Variants in SAMMSON observed in about 807,000 individuals in gnomAD.
SAMMSON encodes the protein long intergenic non-protein coding RNA 1212.
At chr3:70,169,474 G>C (rs1432542751) in intron 4 of SAMMSON, among the ~76,000 whole-genome samples, 2 of 151,860 alleles carry the variant, frequency 1.3e-5, no homozygotes, top group Admixed American at 6.6e-5. Context: ...TTCATATTGT[G>C]CAATTCACAC....
chr3:70,350,695 A>G (rs1420030909), intron 7 of SAMMSON, among the ~76,000 whole-genome samples: 1 of 152,194 alleles, frequency 6.6e-6, no homozygotes, highest in African/African-American at 2.4e-5. Flanking sequence ...CTATAGGAAG[A>G]AGATGAAATG....
At chr3:70,125,630 G>T (rs1376572183) in intron 4 of SAMMSON, 1 of 699,504 alleles carries the variant, frequency 1.4e-6, no homozygotes, top group Non-Finnish European at 2.6e-6. Context: ...AATGCAGCTG[G>T]CATGTCGGTA....
At chr3:70,179,690 C>T (rs550172492) in intron 4 of SAMMSON, among the ~76,000 whole-genome samples, 1 of 152,292 alleles carries the variant, frequency 6.6e-6, no homozygotes, top group South Asian at 2.1e-4. Flanking sequence ...ATGAGAGTGG[C>T]TGACTGTGGC....
At chr3:70,265,993 G>C (rs1315293590) in intron 6 of SAMMSON, among the ~76,000 whole-genome samples, 1 of 152,134 alleles carries the variant, frequency 6.6e-6, no homozygotes, top group Non-Finnish European at 1.5e-5. Flanking sequence ...TTCAACATGA[G>C]ATTTAGGTTG....
chr3:70,242,117 A>G (rs34170147), intron 4 of SAMMSON, among the ~76,000 whole-genome samples: 31,371 of 152,138 alleles, frequency 0.21, 3,741 homozygotes, highest in Non-Finnish European at 0.27. Flanking sequence ...ACATATGTAT[A>G]ATAGGGATGA....
intron 7 of SAMMSON, chr3:70,291,279 T>A (rs1242818310): frequency 6.6e-6 from 1 of 152,194 alleles, no homozygotes; most frequent in East Asian, 1.9e-4. Flanking sequence ...TTTTCTCATC[T>A]GTGAAATGGG....
At chr3:70,045,023 TA>T (rs1559779655) in intron 3 of SAMMSON, among the ~76,000 whole-genome samples, 1,549 of 129,096 alleles carry the variant, frequency 0.012, 62 homozygotes, top group African/African-American at 0.043. Context: ...TATAATTAAT[TA>T]TAATATATAT....
At chr3:70,269,449 A>C (rs1701954487) in intron 6 of SAMMSON, among the ~76,000 whole-genome samples, 1 of 152,168 alleles carries the variant, frequency 6.6e-6, no homozygotes, top group African/African-American at 2.4e-5. Flanking sequence ...AACCATGTTC[A>C]AGTAAGGCAA....
intron 1 of SAMMSON, among the ~76,000 whole-genome samples, chr3:70,006,555 C>T (rs554857283): frequency 6.6e-6 from 1 of 152,156 alleles, no homozygotes; most frequent in South Asian, 2.1e-4. Flanking sequence ...GTGATTTCTA[C>T]CACTCCTATG....
chr3:70,108,695 G>A (rs2067377251), intron 4 of SAMMSON, among the ~76,000 whole-genome samples: 1 of 151,838 alleles, frequency 6.6e-6, no homozygotes, highest in African/African-American at 2.4e-5. Flanking sequence ...ACACCGGAGA[G>A]CTTGCTCACT....
At chr3:70,080,281 C>A (rs1032048843) in intron 4 of SAMMSON, among the ~76,000 whole-genome samples, 3 of 152,158 alleles carry the variant, frequency 2.0e-5, no homozygotes, top group African/African-American at 7.2e-5. Context: ...CTCTTCTTAC[C>A]CTAGTCTGGT....
intron 9 of SAMMSON, among the ~76,000 whole-genome samples, chr3:70,383,128 C>T (rs1703087387): frequency 6.6e-6 from 1 of 152,008 alleles, no homozygotes; most frequent in African/African-American, 2.4e-5. Context: ...AAGTATAAAT[C>T]TCTTTATGAT....
intron 4 of SAMMSON, chr3:70,197,278 C>T (rs1701191571): frequency 2.5e-6 from 1 of 397,492 alleles, no homozygotes; most frequent in Non-Finnish European, 4.4e-6. Flanking sequence ...AACTTGATAG[C>T]CAACTCTTAA....
intron 2 of SAMMSON, among the ~76,000 whole-genome samples, chr3:70,431,748 A>G (rs1017999493): frequency 1.3e-5 from 2 of 152,040 alleles, no homozygotes; most frequent in Non-Finnish European, 2.9e-5. Context: ...GACCTTTTCC[A>G]TCCAATTTCC....
chr3:70,224,516 G>T (rs1186803462), intron 4 of SAMMSON, among the ~76,000 whole-genome samples: 2 of 152,140 alleles, frequency 1.3e-5, no homozygotes, highest in African/African-American at 2.4e-5. Context: ...TCTGAAGATA[G>T]GAAAGCACCC....
chr3:70,016,219 G>A (rs1209729710), intron 3 of SAMMSON, among the ~76,000 whole-genome samples: 4 of 152,134 alleles, frequency 2.6e-5, no homozygotes, highest in Non-Finnish European at 4.4e-5. Context: ...ATCCTCTCCA[G>A]CACCTGTTGT....
At chr3:70,370,637 C>T (rs985303060) in intron 9 of SAMMSON, among the ~76,000 whole-genome samples, 1 of 151,938 alleles carries the variant, frequency 6.6e-6, no homozygotes, top group African/African-American at 2.4e-5. Context: ...TGCCCTTTGC[C>T]CACTTTTTAA....
intron 7 of SAMMSON, among the ~76,000 whole-genome samples, chr3:70,324,153 CTCTATCTATCTATCTATCTA>C (rs200387919): frequency 3.4e-5 from 5 of 148,664 alleles, no homozygotes; most frequent in African/African-American, 1.2e-4. Flanking sequence ...CTTTACATCT[CTCTATCTATCTATCTATCTA>C]TCTATCTATC....
intron 4 of SAMMSON, among the ~76,000 whole-genome samples, chr3:70,174,612 AT>A (rs1700995851): frequency 6.6e-6 from 1 of 152,038 alleles, no homozygotes; most frequent in African/African-American, 2.4e-5. Context: ...TCTAAGAAGA[AT>A]TTTCAACTTT....
Sources: gnomAD v4.1 joint callset for allele counts (sites outside exome capture counted in the v4.1 genomes callset) on GRCh38, gnomAD v4.1.1 for gene constraint, MANE v1.5 for transcripts, NCBI Gene and HGNC (gene_info 2026-07-23, HGNC 2026-07-21) for gene names.